The following DAZAP1 variants were observed in gnomAD, a reference collection of about 807,000 sequenced individuals.
DAZAP1 encodes the protein DAZ-associated protein 1.
A neutral mutation model predicts 60.1 loss-of-function variants in DAZAP1; 6 were observed. The observed-to-expected ratio is 0.10, with a 90% CI of 0.05 to 0.20. The LOEUF (loss-of-function observed/expected upper bound fraction) is 0.20, where lower values mean the gene tolerates loss of function less well. Among genes scored for constraint, DAZAP1 ranks in the 10% least tolerant of loss-of-function variants. DAZAP1 has a pLI of 1.00. For missense variants in DAZAP1, 366 were observed against 560.4 expected, an observed-to-expected ratio of 0.65 and a Z score of 3.50; for synonymous variants, 235 against 215.9, an observed-to-expected ratio of 1.09 and a Z score of -0.78.
rs2083300562 is a variant in DAZAP1 at position 1,426,191 on chromosome 19, TCTGGGTGACCTGGGA to T, written c.546+237_546+251del. Reference sequence around the variant, plus strand: ...CAGCTTTGCTCCTGGAGCCCCTCCCTCTGGGTGACCTGGGACTGGGCGGGTAGGGGGCTGGGGCTG... The same window carrying T: ...CAGCTTTGCTCCTGGAGCCCCTCCCTCTGGGCGGGTAGGGGGCTGGGGCTG... On this transcript the variant is annotated intron_variant, in intron 7 of 11. Transcript: ENST00000233078. The surrounding 1 kb of genome is among the most constrained non-coding windows in gnomAD (Gnocchi z 5.4). 6.6e-6 allele frequency among the ~76,000 whole-genome samples: 1 copy of T among 152,170 alleles called. No individual in the cohort carries two copies. The highest frequency in any genetic ancestry group is 2.1e-4 in the South Asian group (1 of 4,832).
rs1041412494 is a variant in DAZAP1 at position 1,424,398 on chromosome 19, A to G, written c.464-1480A>G. ...CCGTCTGGTTGCAGACACTGCGTGC[A>G]CAGTCACGCTCAGGTGCACACGTGT... is the stretch of plus-strand genomic sequence containing the variant. On this transcript the variant is annotated intron_variant, in intron 6 of 11. Coordinates refer to ENST00000233078, the MANE Select transcript of DAZAP1 (RefSeq NM_018959.4). Among the ~76,000 whole-genome samples the G allele has an allele frequency of 2.4e-4, 30 of 125,420 alleles. No individual in the cohort carries two copies. In the Admixed American group the frequency reaches 2.8e-3, roughly 12 times the overall value. The allele number at this position is 125,420 out of a possible 152,430, so 82.3% of individuals were successfully genotyped here.
At chr19:1,420,321 A>G (rs1455040067) in intron 4 of DAZAP1, among the ~76,000 whole-genome samples, 1 of 78,950 alleles carries the variant, frequency 1.3e-5, no homozygotes, top group African/African-American at 5.6e-5. Flanking sequence ...CCACGCGCAC[A>G]CTCATGAAAC....
At chr19:1,407,848 CCGCCGCTCCCCGCCGCCCGGCCTCAGA>C in intron 1 of DAZAP1, 46 bp downstream of exon 1, 1 of 1,054,084 alleles carries the variant, frequency 9.5e-7, no homozygotes, top group Non-Finnish European at 1.1e-6. Flanking sequence ...CGAGCCCGGC[CCGCCGCTCCCCGCCGCCCGGCCTCAGA>C]CGCCGCCCCC....
At chr19:1,408,741 C>T (rs1044267178) in intron 1 of DAZAP1, among the ~76,000 whole-genome samples, 1 of 152,236 alleles carries the variant, frequency 6.6e-6, no homozygotes, top group Admixed American at 6.5e-5. Context: ...CCTATAGGAG[C>T]CTGACCTGCT....
Position 1,434,680 on chromosome 19 carries a change from G to C in DAZAP1, c.1049-57G>C. 2 of 1,591,614 alleles carry C rather than the reference G, an allele frequency of 1.3e-6. No homozygotes were observed. The highest frequency in any genetic ancestry group is 1.7e-5 in the Admixed American group (1 of 58,848). On this transcript the variant is annotated intron_variant, in intron 11 of 11. Transcript: ENST00000233078. This position sits in a 1 kb window ranked among gnomAD's most constrained non-coding sequence, Gnocchi z 8.0. ...GAGCTGTGTCCAGGTGGCCTCGCTC[G>C]ACGGCAGTGCCAACCGCCCAGGGAC...
intron 1 of DAZAP1, among the ~76,000 whole-genome samples, chr19:1,408,925 C>A (rs557635842): frequency 6.6e-6 from 1 of 152,170 alleles, no homozygotes; most frequent in African/African-American, 2.4e-5. Flanking sequence ...GTGCCCTTAG[C>A]TTTGAGCAGC....
chr19:1,429,024 A>C, intron 8 of DAZAP1, 29 bp downstream of exon 8: 1 of 1,546,258 alleles, frequency 6.5e-7, no homozygotes. Context: ...TGCCCACGGG[A>C]ATGTCCCCCT....
In DAZAP1 at chr19:1,432,896, A is replaced by C; in HGVS notation, c.1048+206A>C. The C allele has an allele frequency of 1.7e-6, 1 of 593,084 alleles. No homozygotes were observed. Among genetic ancestry groups the C allele is most frequent in the Non-Finnish European group, 2.9e-6 (1 of 339,058 alleles). 36.7% of individuals were successfully genotyped at this position (593,084 alleles called of 1,614,324 possible). On this transcript the variant is annotated intron_variant, in intron 11 of 11. Coordinates refer to ENST00000233078, the MANE Select transcript of DAZAP1 (RefSeq NM_018959.4). The surrounding 1 kb of genome is among the most constrained non-coding windows in gnomAD (Gnocchi z 4.9). ...GAAGGGAGCGTGGGAGTCTTGTCGCAGCAGAGCACTCGTCATACAGCAGGT... is the reference window on the plus strand; with the variant it reads ...GAAGGGAGCGTGGGAGTCTTGTCGCCGCAGAGCACTCGTCATACAGCAGGT...
chr19:1,412,359 C>G (rs1352249189), intron 1 of DAZAP1, among the ~76,000 whole-genome samples: 1 of 152,204 alleles, frequency 6.6e-6, no homozygotes, highest in Non-Finnish European at 1.5e-5. Flanking sequence ...CTTCCTGATG[C>G]TCTGGAAGAA....
At chr19:1,412,381 C>A (rs1052424178) in intron 1 of DAZAP1, among the ~76,000 whole-genome samples, 5 of 152,180 alleles carry the variant, frequency 3.3e-5, no homozygotes, top group Non-Finnish European at 7.3e-5. Flanking sequence ...AGAAGGGTTC[C>A]CCACACATCA....
chr19:1,422,575 T>C lies in DAZAP1; in HGVS notation c.463+179T>C, dbSNP rs1291699362. On this transcript the variant is annotated intron_variant, in intron 6 of 11. Coordinates refer to ENST00000233078, the MANE Select transcript of DAZAP1 (RefSeq NM_018959.4). The surrounding 1 kb of genome is among the most constrained non-coding windows in gnomAD (Gnocchi z 4.5). ...ATGTGCACCCCATTCAGCCTGTCTG[T>C]GCTTCCCGAGGTCAGACGTCACACA... is the stretch of plus-strand genomic sequence containing the variant. 2.0e-5 allele frequency among the ~76,000 whole-genome samples: 3 copies of C among 152,220 alleles called. No individual in the cohort carries two copies. The East Asian group carries it at 5.8e-4, about 29-fold the overall frequency.
chr19:1,423,711 G>A lies in DAZAP1; in HGVS notation c.463+1315G>A, dbSNP rs1243660903. On this transcript the variant is annotated intron_variant, in intron 6 of 11. Transcript: ENST00000233078. The surrounding 1 kb of genome is among the most constrained non-coding windows in gnomAD (Gnocchi z 6.8). ...CTTCTAAATACGTTGTTTCATCACCGATGCTGTGTTCCAATACTGCCTCTG... is the reference window on the plus strand; with the variant it reads ...CTTCTAAATACGTTGTTTCATCACCAATGCTGTGTTCCAATACTGCCTCTG... Among the ~76,000 whole-genome samples the A allele has an allele frequency of 6.6e-6, 1 of 152,246 alleles. No individual in the cohort carries two copies. The highest frequency in any genetic ancestry group is 1.5e-5 in the Non-Finnish European group (1 of 68,046).
chr19:1,419,033 C>T (rs902904291), intron 4 of DAZAP1, among the ~76,000 whole-genome samples: 3 of 151,256 alleles, frequency 2.0e-5, no homozygotes, highest in Admixed American at 6.6e-5. Flanking sequence ...CTGCCCCCTC[C>T]CACTGCCTGG....
At chr19:1,430,434 G>C (rs1186052437) in intron 10 of DAZAP1, 72 bp downstream of exon 10, 4 of 1,387,296 alleles carry the variant, frequency 2.9e-6, no homozygotes, top group Admixed American at 2.8e-5. Flanking sequence ...CGGGGTGATG[G>C]GGAGTCTTGT....
In DAZAP1 at chr19:1,407,757, T is replaced by TCGC. The variant is rs939270672; in HGVS notation, c.-3_-1dup. On this transcript the variant is annotated 5_prime_UTR_variant, in exon 1 of 12. Coordinates refer to ENST00000233078, the MANE Select transcript of DAZAP1 (RefSeq NM_018959.4). ...CGAGGAGGCCCGGGAGCGCCGAGCG[T>TCGC]CGCCGCCGCCGCCGCCATGAACAAC... 4.2e-4 allele frequency: 451 copies of TCGC among 1,080,362 alleles called. No homozygotes were observed. Among genetic ancestry groups the TCGC allele is most frequent in the Admixed American group, 7.0e-4 (13 of 18,616 alleles). The allele number at this position is 1,080,362 out of a possible 1,614,324, so 66.9% of individuals were successfully genotyped here. A position where few individuals can be genotyped will look rare whatever the true frequency, so the allele number is the denominator to read the frequency against.
rs142328545 is a variant in DAZAP1 at position 1,429,876 on chromosome 19, C to T, written c.701-91C>T. On this transcript the variant is annotated intron_variant, in intron 8 of 11. Transcript: ENST00000233078. The stretch of plus-strand genomic sequence containing the variant: ...GCACAGGAGGCTCCGGGGTTGGTCC[C>T]AGCCCTTGACGTCCATGCTCTGCGG... 345 of 1,516,484 alleles carry T rather than the reference C, an allele frequency of 2.3e-4. 4 individuals carry two copies. In the Middle Eastern group the frequency reaches 2.9e-3, roughly 13 times the overall value. The allele number at this position is 1,516,484 out of a possible 1,614,324, so 93.9% of individuals were successfully genotyped here. A position where few individuals can be genotyped will look rare whatever the true frequency, so the allele number is the denominator to read the frequency against.
chr19:1,418,552 C>G lies in DAZAP1; in HGVS notation c.238-114C>G. 1.4e-6 allele frequency: 2 copies of G among 1,476,776 alleles called. No homozygotes were observed. Among genetic ancestry groups the G allele is most frequent in the Non-Finnish European group, 1.9e-6 (2 of 1,059,004 alleles). The allele number at this position is 1,476,776 out of a possible 1,614,324, so 91.5% of individuals were successfully genotyped here. ...GCAGGAGGATACAGGGTGAATGGAG[C>G]CGGCGGGGCGGGGCGGGCCGGGCTG... On this transcript the variant is annotated intron_variant, in intron 3 of 11. Coordinates refer to ENST00000233078, the MANE Select transcript of DAZAP1 (RefSeq NM_018959.4). The surrounding 1 kb of genome is among the most constrained non-coding windows in gnomAD (Gnocchi z 5.7).
intron 1 of DAZAP1, among the ~76,000 whole-genome samples, chr19:1,408,731 C>T (rs949907666): frequency 3.9e-5 from 6 of 152,240 alleles, no homozygotes; most frequent in Non-Finnish European, 8.8e-5. Flanking sequence ...GGCGTCCCCT[C>T]CTATAGGAGC....
intron 5 of DAZAP1, among the ~76,000 whole-genome samples, chr19:1,421,857 C>T (rs753848834): frequency 1.6e-4 from 24 of 152,186 alleles, no homozygotes; most frequent in Non-Finnish European, 2.4e-4. Flanking sequence ...GAGGGTGCCA[C>T]GGGCCTGGGC....
Sources: gnomAD v4.1 joint callset for allele counts (sites outside exome capture counted in the v4.1 genomes callset) on GRCh38, gnomAD v4.1.1 for gene constraint, Gnocchi (gnomAD v3.1) non-coding constraint, MANE v1.5 for transcripts, NCBI Gene and HGNC (gene_info 2026-07-23, HGNC 2026-07-21) for gene names.